The following GPATCH3 variants were observed in gnomAD, a reference collection of about 807,000 sequenced individuals.
GPATCH3 encodes G-patch domain containing 3.
A neutral mutation model predicts 53.2 loss-of-function variants in GPATCH3; 45 were observed. The ratio of observed to expected loss-of-function variants is 0.85; its 90% CI spans 0.67 to 1.08. The LOEUF (loss-of-function observed/expected upper bound fraction) is 1.08. GPATCH3 is among the 50% of genes least tolerant of loss of function. The pLI is 0.00. For synonymous variants in GPATCH3, 280 were observed against 270.6 expected, an observed-to-expected ratio of 1.03 and a Z score of -0.34; for missense variants, 680 against 687.2, an observed-to-expected ratio of 0.99 and a Z score of 0.12.
chr1:26,896,044 G>A (rs1355684508), intron 2 of GPATCH3, among the ~76,000 whole-genome samples: 1 of 152,186 alleles, frequency 6.6e-6, no homozygotes, highest in Non-Finnish European at 1.5e-5. Flanking sequence ...AACCAAGTTT[G>A]GAGAAAGGAA....
At position 26,891,007 on chromosome 1, in the gene GPATCH3, C is replaced by G. The variant is rs376902197; in HGVS notation, c.*3G>C. The G allele has an allele frequency of 1.2e-6, 2 of 1,613,190 alleles. No individual in the cohort carries two copies. The highest frequency in any genetic ancestry group is 1.7e-6 in the Non-Finnish European group (2 of 1,179,398). ...TAGCTATGAAAGGAAGCCCCCAACC[C>G]GGTCAGTCAGGCAATGAGGGGCTGT... is the stretch of plus-strand genomic sequence containing the variant. On this transcript the variant is annotated 3_prime_UTR_variant, in exon 7 of 7. Coordinates refer to ENST00000361720, the MANE Select transcript of GPATCH3 (RefSeq NM_022078.3).
chr1:26,894,906 C>T (rs934149725), intron 2 of GPATCH3, among the ~76,000 whole-genome samples: 1 of 152,190 alleles, frequency 6.6e-6, no homozygotes, highest in Admixed American at 6.5e-5. Flanking sequence ...CCTTTAACCA[C>T]TGCAACAACC....
chr1:26,900,197 C>T lies in GPATCH3; in HGVS notation c.246G>A (p.Ser82=), dbSNP rs1285672428. 2 of 1,614,076 alleles carry T rather than the reference C, an allele frequency of 1.2e-6. No homozygotes were observed. Among genetic ancestry groups the T allele is most frequent in the South Asian group, 1.1e-5 (1 of 91,074 alleles). Residue 82 remains serine (S), a synonymous_variant, in exon 1 of 7, where the codon TCG becomes TCA. Transcript: ENST00000361720. ...TGGAGAGAGGCCGGACATCGGTGGC[C>T]GAAGTCTGAGAGAGAAGCTGGCCCT... is the stretch of plus-strand genomic sequence containing the variant. ...AAEGQLLSQT[S]ATDVRPLSTR... is the part of the protein sequence containing the mutation.
intron 6 of GPATCH3, among the ~76,000 whole-genome samples, 160 bp downstream of exon 6, chr1:26,892,251 G>A (rs2081930862): frequency 6.6e-6 from 1 of 152,190 alleles, no homozygotes; most frequent in African/African-American, 2.4e-5. Flanking sequence ...TTACAGGCTT[G>A]AGCCACCGTG....
At position 26,899,793 on chromosome 1, in the gene GPATCH3, C is replaced by T. The variant is rs145917327; in HGVS notation, c.451+199G>A. 2.2e-4 allele frequency among the ~76,000 whole-genome samples: 33 copies of T among 152,316 alleles called. No individual in the cohort carries two copies. The East Asian group carries it at 4.8e-3, about 22-fold the overall frequency. The stretch of plus-strand genomic sequence containing the variant: ...AAAGGGACCTAACAAAATGAAGGCT[C>T]TTCCGAATAAGCCTCTCCGGTTTAT... On this transcript the variant is annotated intron_variant, in intron 1 of 6. Coordinates refer to ENST00000361720, the MANE Select transcript of GPATCH3 (RefSeq NM_022078.3).
At chr1:26,893,246 G>A in intron 4 of GPATCH3, 143 bp downstream of exon 4, 2 of 745,596 alleles carry the variant, frequency 2.7e-6, no homozygotes, top group South Asian at 2.9e-5. Flanking sequence ...AACCAAAGAT[G>A]TTTTAAGAGG....
rs755560381 is a variant in GPATCH3, at chr1:26,891,187, C to T, written c.1401G>A (p.Lys467=). The T allele has an allele frequency of 5.2e-5, 84 of 1,613,738 alleles. No homozygotes were observed. Among genetic ancestry groups the T allele is most frequent in the Non-Finnish European group, 6.5e-5 (77 of 1,179,924 alleles). The change falls in exon 7 of 7, where the codon AAG becomes AAA. Residue 467 remains lysine, a synonymous_variant. Transcript: ENST00000361720. ...GCCCCAAGCCATTTCTACGGGGCCT[C>T]TTCAGTTGCCCAAATGGCTGTAGCT... ...GEKLQPFGQL[K]RPRRNGLGLI... is the part of the protein sequence containing the mutation.
At chr1:26,898,778 C>G (rs1019750655) in intron 1 of GPATCH3, among the ~76,000 whole-genome samples, 1 of 151,636 alleles carries the variant, frequency 6.6e-6, no homozygotes, top group South Asian at 2.1e-4. Flanking sequence ...GTGATCCCCC[C>G]ACCTCAACCT....
In GPATCH3 at chr1:26,892,689, G is replaced by A; in HGVS notation, c.1214C>T (p.Thr405Ile). 1 of 1,614,052 alleles carries A rather than the reference G, an allele frequency of 6.2e-7. No homozygotes were observed. The highest frequency in any genetic ancestry group is 8.5e-7 in the Non-Finnish European group (1 of 1,179,990). Residue 405 changes from threonine (T) to isoleucine (I), a missense_variant, in exon 5 of 7, where the codon ACC (threonine) becomes ATC (isoleucine). Coordinates refer to ENST00000361720, the MANE Select transcript of GPATCH3 (RefSeq NM_022078.3). Reference protein sequence around the residue: ...DGSVIERQVGTFERHTKGIGR... With the variant: ...DGSVIERQVGIFERHTKGIGR... The stretch of plus-strand genomic sequence containing the variant: ...ACTCACCTTGGTGTGGCGCTCAAAG[G>A]TGCCCACCTGGCGTTCGATCACAGA...
chr1:26,890,658 T>G lies in GPATCH3; in HGVS notation c.*352A>C. The G allele has an allele frequency of 2.4e-6, 1 of 423,906 alleles. No homozygotes were observed. The highest frequency in any genetic ancestry group is 4.7e-6 in the Non-Finnish European group (1 of 213,814). The allele number at this position is 423,906 out of a possible 1,614,324, so 26.3% of individuals were successfully genotyped here. ...TCCTCGCCCAGGTCCCTTTCCCCCT[T>G]TCTGGCCTTCGTGGGGACACCTTCA... On this transcript the variant is annotated 3_prime_UTR_variant, in exon 7 of 7. Transcript: ENST00000361720.
In GPATCH3 at chr1:26,890,592, G is replaced by A. The variant is rs974962185; in HGVS notation, c.*418C>T. The A allele has an allele frequency of 1.1e-5, 4 of 363,732 alleles. No homozygotes were observed. Among genetic ancestry groups the A allele is most frequent in the African/African-American group, 4.2e-5 (2 of 47,400 alleles). 22.5% of individuals were successfully genotyped at this position (363,732 alleles called of 1,614,324 possible). On this transcript the variant is annotated 3_prime_UTR_variant, in exon 7 of 7. Coordinates refer to ENST00000361720, the MANE Select transcript of GPATCH3 (RefSeq NM_022078.3). ...CCCAGTGAGGGTAGAGGCGGTGGAG[G>A]GCCCACCCAAGGCCGGCTCTTCCAA...
Position 26,890,551 on chromosome 1 carries a change from T to G in GPATCH3, c.*459A>C, listed in dbSNP as rs550957220. ...CACCCAAGCCACCTCCCGCGGACTC[T>G]CCGCTGGCAGTCCCACCCAGTGAGG... On this transcript the variant is annotated 3_prime_UTR_variant, in exon 7 of 7. Transcript: ENST00000361720. 1 of 315,078 alleles carries G rather than the reference T, an allele frequency of 3.2e-6. No individual in the cohort carries two copies. The highest frequency in any genetic ancestry group is 6.2e-6 in the Non-Finnish European group (1 of 161,864). The allele number at this position is 315,078 out of a possible 1,614,324, so 19.5% of individuals were successfully genotyped here.
At chr1:26,898,618 C>T (rs915882416) in intron 1 of GPATCH3, among the ~76,000 whole-genome samples, 7 of 151,924 alleles carry the variant, frequency 4.6e-5, no homozygotes, top group African/African-American at 1.2e-4. Context: ...TGTCTTCATA[C>T]GATGTGTTCC....
At chr1:26,891,943 G>A (rs181701894) in intron 6 of GPATCH3, among the ~76,000 whole-genome samples, 126 of 152,080 alleles carry the variant, frequency 8.3e-4, no homozygotes, top group African/African-American at 2.9e-3. Context: ...TCCTGACCTC[G>A]TGATCCACCC....
At position 26,892,550 on chromosome 1, in the gene GPATCH3, A is replaced by C. The variant is rs769843407; in HGVS notation, c.1234-12T>G. 7.5e-6 allele frequency: 12 copies of C among 1,609,622 alleles called. 1 individual carries two copies. In the South Asian group the frequency reaches 1.2e-4, roughly 16 times the overall value. On this transcript the variant is annotated splice_polypyrimidine_tract_variant and intron_variant, in intron 5 of 6. Transcript: ENST00000361720. ...TTCCGCCCAATGCCCTGCAGAGTGAAGGGACAAGACTCAAGAAATGGGGCT... is the reference window on the plus strand; with the variant it reads ...TTCCGCCCAATGCCCTGCAGAGTGACGGGACAAGACTCAAGAAATGGGGCT...
chr1:26,893,767 C>T (rs976795087), intron 3 of GPATCH3, among the ~76,000 whole-genome samples: 2 of 152,130 alleles, frequency 1.3e-5, no homozygotes, highest in Admixed American at 1.3e-4. Flanking sequence ...GATCTGCCCA[C>T]CTCAGCCTCC....
At chr1:26,896,976 C>G (rs1377604336) in intron 2 of GPATCH3, among the ~76,000 whole-genome samples, 1 of 150,474 alleles carries the variant, frequency 6.6e-6, no homozygotes, top group African/African-American at 2.4e-5. Flanking sequence ...GAGCCGAGAT[C>G]GTGCCACTGC....
In GPATCH3 at chr1:26,897,446, GTC is replaced by G. The variant is rs2081956087; in HGVS notation, c.729_730del (p.Glu243AspfsTer14). The G allele has an allele frequency of 1.9e-6, 3 of 1,614,194 alleles. No homozygotes were observed. Among genetic ancestry groups the G allele is most frequent in the Non-Finnish European group, 2.5e-6 (3 of 1,180,048 alleles). ...ATACACAAGCTCTTCCTGCTCCACAGTCTCTGAGTCCTCATACTCAAAAGGCA... is the reference window on the plus strand; with the variant it reads ...ATACACAAGCTCTTCCTGCTCCACAGTCTGAGTCCTCATACTCAAAAGGCA... On this transcript the variant is annotated frameshift_variant, in exon 2 of 7. Transcript: ENST00000361720. LOFTEE classifies it high-confidence loss of function.
At chr1:26,897,211 C>A (rs568134975) in intron 2 of GPATCH3, 90 bp downstream of exon 2, 1 of 1,295,790 alleles carries the variant, frequency 7.7e-7, no homozygotes. Context: ...AGGTTAAGAA[C>A]CCTTGTAATA....
Sources: allele counts gnomAD v4.1 joint callset (sites outside exome capture counted in the v4.1 genomes callset), GRCh38; gene constraint gnomAD v4.1.1; transcripts MANE v1.5; gene names NCBI Gene and HGNC (gene_info 2026-07-23, HGNC 2026-07-21).